RETNLB: variants seen among roughly 807,000 people sequenced by gnomAD.
The protein encoded by RETNLB is resistin-like beta.
RETNLB carries 11 observed loss-of-function variants against 6.8 expected under a neutral mutation model. The observed-to-expected ratio is 1.62, with a 90% CI of 1.02 to 2.68. RETNLB has a LOEUF of 2.68. RETNLB is among the 30% of genes most tolerant of loss of function. The probability of loss-of-function intolerance (pLI) is 0.00; values close to 1 mark genes in which losing one functional copy is unlikely to be tolerated. For missense variants in RETNLB, 146 were observed against 135.7 expected, an observed-to-expected ratio of 1.08 and a Z score of -0.38; for synonymous variants, 57 against 54.2, an observed-to-expected ratio of 1.05 and a Z score of -0.23.
At position 108,755,697 on chromosome 3, in the gene RETNLB, C is replaced by T. The variant is rs1945243774; in HGVS notation, c.*81G>A. On this transcript the variant is annotated 3_prime_UTR_variant, in exon 3 of 3. Coordinates refer to ENST00000295755, the MANE Select transcript of RETNLB (RefSeq NM_032579.3). ...CAGGAATGGAACAAATGAAGTGGGA[C>T]GTTTGAGTTAGATTTCTTGGTTGGG... 11 of 1,469,860 alleles carry T rather than the reference C, an allele frequency of 7.5e-6. No homozygotes were observed. The highest frequency in any genetic ancestry group is 1.0e-5 in the Non-Finnish European group (11 of 1,060,512). The allele number at this position is 1,469,860 out of a possible 1,614,324, so 91.1% of individuals were successfully genotyped here. A position where few individuals can be genotyped will look rare whatever the true frequency, so the allele number is the denominator to read the frequency against.
Position 108,755,903 on chromosome 3 carries a change from T to C in RETNLB, c.211A>G (p.Met71Val). ...CCACAAGCACAGCCAGTGACAGCCA[T>C]CCCTGCATGAGCACATGAAGCACAG... Reference protein sequence around the residue: ...QGRPSSCPAGMAVTGCACGYG... With the variant: ...QGRPSSCPAGVAVTGCACGYG... The change falls in exon 3 of 3, where the codon ATG becomes GTG. Residue 71 changes from methionine (M) to valine (V), a missense_variant and splice_region_variant. Coordinates refer to ENST00000295755, the MANE Select transcript of RETNLB (RefSeq NM_032579.3). 1 of 1,614,062 alleles carries C rather than the reference T, an allele frequency of 6.2e-7. No homozygotes were observed. The highest frequency in any genetic ancestry group is 8.5e-7 in the Non-Finnish European group (1 of 1,180,024).
chr3:108,757,282 G>T lies in RETNLB; in HGVS notation c.-97C>A. The T allele has an allele frequency of 1.4e-6, 2 of 1,430,598 alleles. No individual in the cohort carries two copies. The highest frequency in any genetic ancestry group is 4.6e-5 in the East Asian group (2 of 43,204). 88.6% of individuals were successfully genotyped at this position (1,430,598 alleles called of 1,614,324 possible). ...GGTGGTGAAGGAAAGAAGACAACGT[G>T]GTTAGTTTCCAGGGAGTAAAGATGG... On this transcript the variant is annotated 5_prime_UTR_variant, in exon 1 of 3. Transcript: ENST00000295755.
At position 108,756,802 on chromosome 3, in the gene RETNLB, G is replaced by T. The variant is rs531455785; in HGVS notation, c.128-214C>A. 54 of 593,732 alleles carry T rather than the reference G, an allele frequency of 9.1e-5. No individual in the cohort carries two copies. In the East Asian group the frequency reaches 1.5e-3, roughly 16 times the overall value. The allele number at this position is 593,732 out of a possible 1,614,324, so 36.8% of individuals were successfully genotyped here. A position where few individuals can be genotyped will look rare whatever the true frequency, so the allele number is the denominator to read the frequency against. On this transcript the variant is annotated intron_variant, in intron 1 of 2. Transcript: ENST00000295755. The stretch of plus-strand genomic sequence containing the variant: ...GTGGGAATTAAATGAAATAATCTAC[G>T]TAAAACTTGGATTATACCTGGTTCA...
chr3:108,755,875 TAGCCACAAGCAC>T lies in RETNLB; in HGVS notation c.227_238del (p.Cys76_Gly79del). On this transcript the variant is annotated inframe_deletion, in exon 3 of 3. Transcript: ENST00000295755. ...CTGAACATCCCACGAACCACAGCCA[TAGCCACAAGCAC>T]AGCCAGTGACAGCCATCCCTGCATG... 1 of 1,614,074 alleles carries T rather than the reference TAGCCACAAGCAC, an allele frequency of 6.2e-7. No individual in the cohort carries two copies. Among genetic ancestry groups the T allele is most frequent in the Non-Finnish European group, 8.5e-7 (1 of 1,180,022 alleles).
At chr3:108,755,967 C>A in intron 2 of RETNLB, 62 bp from the exon 3 acceptor site, 1 of 1,603,066 alleles carries the variant, frequency 6.2e-7, no homozygotes, top group Non-Finnish European at 8.5e-7. Flanking sequence ...GGAAGGGCTA[C>A]CCACAACCAT....
chr3:108,755,816 C>G lies in RETNLB; in HGVS notation c.298G>C (p.Val100Leu). Residue 100 changes from valine to leucine, a missense_variant, in exon 3 of 3, where the codon GTG becomes CTG. Physicochemically the swap from Val to Leu is conservative, Grantham distance 32 (BLOSUM62 1). Coordinates refer to ENST00000295755, the MANE Select transcript of RETNLB (RefSeq NM_032579.3). ...ETTCHCQCSV[V>L]DWTTARCCHL... ...CAGCAGCGGGCAGTGGTCCAGTCCA[C>G]CACACTGCACTGGCAGTGGCAGGTG... The G allele has an allele frequency of 6.2e-7, 1 of 1,614,154 alleles. No individual in the cohort carries two copies. Among genetic ancestry groups the G allele is most frequent in the South Asian group, 1.1e-5 (1 of 91,084 alleles).
intron 2 of RETNLB, among the ~76,000 whole-genome samples, chr3:108,756,133 T>C (rs937475758): frequency 6.6e-6 from 1 of 152,182 alleles, no homozygotes; most frequent in Non-Finnish European, 1.5e-5. Flanking sequence ...GACTTGGAAC[T>C]TGGGAGTTTC....
In RETNLB at chr3:108,756,516, CAGG is replaced by C; in HGVS notation, c.197_199del (p.Ser66del). On this transcript the variant is annotated inframe_deletion, in exon 2 of 3. Coordinates refer to ENST00000295755, the MANE Select transcript of RETNLB (RefSeq NM_032579.3). ...CTCAGGGAGTTACTCACCAGCAGGG[CAGG>C]AGGACGGTCTGCCTTGGCTTTTGAC... 2 of 1,609,940 alleles carry C rather than the reference CAGG, an allele frequency of 1.2e-6. No individual in the cohort carries two copies. The highest frequency in any genetic ancestry group is 2.7e-5 in the African/African-American group (2 of 74,940).
At chr3:108,756,043 C>A in intron 2 of RETNLB, 138 bp from the exon 3 acceptor site, 3 of 884,402 alleles carry the variant, frequency 3.4e-6, no homozygotes, top group Non-Finnish European at 1.7e-6. Context: ...TTCAATTTTG[C>A]GAGCTCATTT....
rs768138760 is a variant in RETNLB at position 108,755,834 on chromosome 3, G to A, written c.280C>T (p.His94Tyr). The change falls in exon 3 of 3, where the codon CAC becomes TAC. Residue 94 changes from histidine (H) to tyrosine (Y), a missense_variant. By Grantham distance (83) the His-to-Tyr change is moderately conservative. Coordinates refer to ENST00000295755, the MANE Select transcript of RETNLB (RefSeq NM_032579.3). Reference protein sequence around the residue: ...SWDVQLETTCHCQCSVVDWTT... With the variant: ...SWDVQLETTCYCQCSVVDWTT... Reference sequence around the variant, plus strand: ...CAGTCCACCACACTGCACTGGCAGTGGCAGGTGGTTTCCAGCTGAACATCC... The same window carrying A: ...CAGTCCACCACACTGCACTGGCAGTAGCAGGTGGTTTCCAGCTGAACATCC... The A allele has an allele frequency of 1.9e-4, 303 of 1,614,052 alleles. No individual in the cohort carries two copies. Among genetic ancestry groups the A allele is most frequent in the Admixed American group, 2.3e-4 (14 of 59,996 alleles).
At position 108,757,139 on chromosome 3, in the gene RETNLB, T is replaced by C. The variant is rs763314263; in HGVS notation, c.47A>G (p.Gln16Arg). The C allele has an allele frequency of 1.3e-6, 2 of 1,536,954 alleles. No individual in the cohort carries two copies. The highest frequency in any genetic ancestry group is 2.8e-5 in the African/African-American group (2 of 72,546). ...CLLLILIPLL[Q>R]LINPGSTQCS... ...CTGAGTACTCCCCGGGTTGATCAGC[T>C]GGAGAAGGGGGATTAGGATGAGAAG... The change falls in exon 1 of 3, where the codon CAG becomes CGG. Residue 16 changes from glutamine (Q) to arginine (R), a missense_variant. Physicochemically the swap from Gln to Arg is conservative, Grantham distance 43. Transcript: ENST00000295755.
At chr3:108,757,028 A>AC (rs748359252) in intron 1 of RETNLB, 31 bp downstream of exon 1, 4 of 1,602,688 alleles carry the variant, frequency 2.5e-6, no homozygotes, top group Admixed American at 3.4e-5. Context: ...GCAAGGGTCA[A>AC]CCCCCCGCTT....
chr3:108,755,897 C>T lies in RETNLB; in HGVS notation c.217G>A (p.Val73Ile). ...CCATAGCCACAAGCACAGCCAGTGA[C>T]AGCCATCCCTGCATGAGCACATGAA... is the stretch of plus-strand genomic sequence containing the variant. ...RPSSCPAGMA[V>I]TGCACGYGCG... Residue 73 changes from valine to isoleucine, a missense_variant, in exon 3 of 3, where the codon GTC becomes ATC. Val to Ile is a conservative substitution (Grantham distance 29). Coordinates refer to ENST00000295755, the MANE Select transcript of RETNLB (RefSeq NM_032579.3). The T allele has an allele frequency of 6.2e-7, 1 of 1,614,170 alleles. No individual in the cohort carries two copies. Among genetic ancestry groups the T allele is most frequent in the Non-Finnish European group, 8.5e-7 (1 of 1,180,032 alleles).
intron 2 of RETNLB, 102 bp downstream of exon 2, chr3:108,756,406 G>A: frequency 1.2e-6 from 1 of 816,860 alleles, no homozygotes. Flanking sequence ...AGGGTGCCAG[G>A]GTGATACAGA....
At chr3:108,757,022 G>C (rs1241764913) in intron 1 of RETNLB, 37 bp downstream of exon 1, 3 of 1,598,752 alleles carry the variant, frequency 1.9e-6, no homozygotes, top group Non-Finnish European at 2.6e-6. Flanking sequence ...AAATGAGCAA[G>C]GGTCAACCCC....
intron 1 of RETNLB, 65 bp downstream of exon 1, chr3:108,756,994 A>C: frequency 1.9e-6 from 3 of 1,557,244 alleles, no homozygotes; most frequent in South Asian, 1.2e-5. Flanking sequence ...AGACAAAGCT[A>C]GAGTTTAAGA....
intron 1 of RETNLB, 155 bp downstream of exon 1, chr3:108,756,904 C>T: frequency 2.4e-6 from 2 of 846,032 alleles, no homozygotes; most frequent in Non-Finnish European, 3.5e-6. Context: ...AGCTTTTAGC[C>T]AAGACTTCAA....
At chr3:108,756,053 T>A in intron 2 of RETNLB, 148 bp from the exon 3 acceptor site, 1 of 788,832 alleles carries the variant, frequency 1.3e-6, no homozygotes, top group Non-Finnish European at 2.0e-6. Flanking sequence ...CGAGCTCATT[T>A]CAAGAAAAGA....
intron 2 of RETNLB, among the ~76,000 whole-genome samples, chr3:108,756,200 A>G (rs1423653677): frequency 6.6e-6 from 1 of 152,190 alleles, no homozygotes; most frequent in Admixed American, 6.5e-5. Flanking sequence ...CCATCAAAAC[A>G]GAGGAATAGA....
Sources: gnomAD v4.1 joint callset for allele counts (sites outside exome capture counted in the v4.1 genomes callset) on GRCh38, gnomAD v4.1.1 for gene constraint, MANE v1.5 for transcripts, NCBI Gene and HGNC (gene_info 2026-07-23, HGNC 2026-07-21) for gene names.